The following SIPA1L1 variants were observed in gnomAD, a reference collection of about 807,000 sequenced individuals.
SIPA1L1 encodes signal-induced proliferation-associated 1-like protein 1.
SIPA1L1 carries 26 observed loss-of-function variants against 162.7 expected under a neutral mutation model. The ratio of observed to expected loss-of-function variants is 0.16; its 90% confidence interval spans 0.12 to 0.22. The LOEUF (loss-of-function observed/expected upper bound fraction) is 0.22. Ranked by LOEUF, SIPA1L1 falls within the 10% of genes least tolerant of loss-of-function variation. The pLI, the probability that SIPA1L1 is intolerant of heterozygous loss-of-function variation, is 1.00. For synonymous variants in SIPA1L1, 829 were observed against 837.4 expected, an observed-to-expected ratio of 0.99 and a Z score of 0.17; for missense variants, 1,874 against 2,241.0, an observed-to-expected ratio of 0.84 and a Z score of 3.31.
intron 15 of SIPA1L1, among the ~76,000 whole-genome samples, chr14:71,702,721 C>T (rs539803079): frequency 1.1e-4 from 16 of 152,060 alleles, no homozygotes; most frequent in South Asian, 2.1e-4. Context: ...ACTGGAAAGG[C>T]GATAGGAATT....
Position 71,705,242 on chromosome 14 carries a change from G to A in SIPA1L1, c.3667G>A (p.Ala1223Thr). Residue 1223 changes from alanine to threonine, a missense_variant, in exon 16 of 24, where the codon GCA becomes ACA. Coordinates refer to ENST00000381232, the MANE Select transcript of SIPA1L1 (RefSeq NM_001386936.1). The part of the protein sequence containing the change: ...DQMEPTCHLP[A>T]VSKVLPAFRE... ...TCCAGAGCCAACATGCCATCTCCCA[G>A]CAGTATCAAAGGTACTGCCAGCTTT... is the stretch of plus-strand genomic sequence containing the variant. 4 of 1,613,888 alleles carry A rather than the reference G, an allele frequency of 2.5e-6. No individual in the cohort carries two copies. The highest frequency in any genetic ancestry group is 1.1e-5 in the South Asian group (1 of 91,080).
intron 10 of SIPA1L1, among the ~76,000 whole-genome samples, chr14:71,661,851 A>T (rs1324234689): frequency 2.6e-5 from 4 of 152,244 alleles, no homozygotes; most frequent in African/African-American, 9.6e-5. Flanking sequence ...TTGTTATTAA[A>T]GAAGCCTAAA....
rs1450803143 is a variant in SIPA1L1 at position 71,730,239 on chromosome 14, C to G, written c.4799C>G (p.Ser1600Cys). The change falls in exon 20 of 24, where the codon TCT becomes TGT. Residue 1600 changes from serine (S) to cysteine (C), a missense_variant. By Grantham distance (112) the Ser-to-Cys change is moderately radical (BLOSUM62 -1). Around this residue, in one of 5 missense-constraint regions of SIPA1L1, gnomAD observed 936 missense variants for 1,051.9 expected, o/e 0.89. Transcript: ENST00000381232. The stretch of plus-strand genomic sequence containing the variant: ...GTCCTCTTCAGTAGCACGTACCCTT[C>G]TCTCCCCAAGTCGCTCCCGTTGAGG... ...NDVLFSSTYP[S>C]LPKSLPLRRP... 1.2e-6 allele frequency: 2 copies of G among 1,614,178 alleles called. No homozygotes were observed. Among genetic ancestry groups the G allele is most frequent in the Non-Finnish European group, 1.7e-6 (2 of 1,180,032 alleles).
intron 2 of SIPA1L1, among the ~76,000 whole-genome samples, chr14:71,486,051 T>C (rs2048731932): frequency 6.6e-6 from 1 of 152,210 alleles, no homozygotes; most frequent in African/African-American, 2.4e-5. Flanking sequence ...AAAGAAAACA[T>C]TGGAAAACAT....
intron 2 of SIPA1L1, chr14:71,330,552 C>T: frequency 7.4e-7 from 1 of 1,359,612 alleles, no homozygotes; most frequent in Non-Finnish European, 1.1e-6. Flanking sequence ...AGATGCCTAG[C>T]TGGGAGGCCT....
intron 10 of SIPA1L1, among the ~76,000 whole-genome samples, chr14:71,665,115 T>G (rs967234322): frequency 7.9e-5 from 12 of 152,208 alleles, no homozygotes; most frequent in Non-Finnish European, 1.8e-4. Context: ...AGTGTTACCA[T>G]GCTAGGTAAT....
intron 4 of SIPA1L1, among the ~76,000 whole-genome samples, chr14:71,537,453 C>T (rs746051194): frequency 3.9e-5 from 6 of 152,192 alleles, no homozygotes; most frequent in Non-Finnish European, 8.8e-5. Flanking sequence ...GATCCAACCG[C>T]CTCAGCCTCC....
intron 19 of SIPA1L1, 34 bp downstream of exon 19, chr14:71,724,869 GAA>G (rs775408768): frequency 6.3e-7 from 1 of 1,591,228 alleles, no homozygotes; most frequent in Non-Finnish European, 8.6e-7. Flanking sequence ...ATGGCAATTA[GAA>G]ACAAGCCAGA....
intron 13 of SIPA1L1, among the ~76,000 whole-genome samples, chr14:71,693,172 A>G (rs1183742977): frequency 6.6e-6 from 1 of 152,184 alleles, no homozygotes; most frequent in Admixed American, 6.5e-5. Context: ...GAATGCTCCA[A>G]TGAGCATTTC....
intron 4 of SIPA1L1, among the ~76,000 whole-genome samples, chr14:71,534,281 C>T (rs1393532411): frequency 1.3e-5 from 2 of 152,072 alleles, no homozygotes; most frequent in African/African-American, 4.8e-5. Flanking sequence ...ATAATTGGGT[C>T]ATTAGCCAAT....
intron 17 of SIPA1L1, among the ~76,000 whole-genome samples, chr14:71,723,101 A>G (rs2083896607): frequency 1.3e-5 from 2 of 152,252 alleles, no homozygotes; most frequent in African/African-American, 4.8e-5. Flanking sequence ...TTTGAAATAC[A>G]TCGACCAGCA....
At chr14:71,603,561 G>GGCCA (rs1271330362) in intron 5 of SIPA1L1, among the ~76,000 whole-genome samples, 24 of 152,040 alleles carry the variant, frequency 1.6e-4, no homozygotes, top group Non-Finnish European at 3.5e-4. Flanking sequence ...CAGGCTTTAA[G>GGCCA]TGATCCTCCC....
intron 21 of SIPA1L1, 87 bp downstream of exon 21, chr14:71,733,899 C>A: frequency 7.2e-7 from 1 of 1,388,720 alleles, no homozygotes; most frequent in Non-Finnish European, 9.7e-7. Flanking sequence ...TGGACACACT[C>A]AAAACATATG....
chr14:71,332,453 A>G (rs893055246), intron 2 of SIPA1L1, among the ~76,000 whole-genome samples: 4 of 152,132 alleles, frequency 2.6e-5, no homozygotes, highest in Non-Finnish European at 1.5e-5. Flanking sequence ...TATTATTTAT[A>G]TATATAGAGA....
chr14:71,396,535 G>T (rs950232688), intron 2 of SIPA1L1, among the ~76,000 whole-genome samples: 2 of 152,116 alleles, frequency 1.3e-5, no homozygotes, highest in African/African-American at 4.8e-5. Flanking sequence ...AGATCAGTCC[G>T]TTAATCTTTA....
chr14:71,550,295 G>T (rs748039963), intron 4 of SIPA1L1, among the ~76,000 whole-genome samples: 2 of 152,136 alleles, frequency 1.3e-5, no homozygotes, highest in Non-Finnish European at 2.9e-5. Context: ...AAAGGGAAAT[G>T]ATGGACAATA....
chr14:71,576,911 C>T lies in SIPA1L1; in HGVS notation c.-302-10660C>T, dbSNP rs867097919. Among the ~76,000 whole-genome samples the T allele has an allele frequency of 1.6e-4, 24 of 152,010 alleles. No individual in the cohort carries two copies. In the Middle Eastern group the frequency reaches 0.014, roughly 86 times the overall value. On this transcript the variant is annotated intron_variant, in intron 4 of 23. Coordinates refer to ENST00000381232, the MANE Select transcript of SIPA1L1 (RefSeq NM_001386936.1). ...CAGCCTGGCCAACATGGTGAAACCC[C>T]GTCTCTATTAAAAATATAAAAATTA...
chr14:71,408,026 T>G (rs892720462), intron 2 of SIPA1L1, among the ~76,000 whole-genome samples: 1 of 152,198 alleles, frequency 6.6e-6, no homozygotes, highest in Non-Finnish European at 1.5e-5. Context: ...TCAGTGCTGA[T>G]CATGAGATTT....
chr14:71,649,473 T>G (rs1463753191), intron 7 of SIPA1L1, among the ~76,000 whole-genome samples: 1 of 152,186 alleles, frequency 6.6e-6, no homozygotes, highest in East Asian at 1.9e-4. Flanking sequence ...ATTACAGGCA[T>G]TAGCCACTGT....
Sources: gnomAD v4.1 joint callset for allele counts (sites outside exome capture counted in the v4.1 genomes callset) on GRCh38, gnomAD v4.1.1 for gene constraint, gnomAD v4.1.1 regional missense constraint, MANE v1.5 for transcripts, NCBI Gene and HGNC (gene_info 2026-07-23, HGNC 2026-07-21) for gene names.